The following TPRG1 variants were observed in gnomAD, a reference collection of about 807,000 sequenced individuals.
The protein encoded by TPRG1 is tumor protein p63-regulated gene 1 protein.
In TPRG1, 29 loss-of-function variants were observed where a neutral mutation model predicts 29.3. The ratio of observed to expected loss-of-function variants is 0.99; its 90% CI spans 0.74 to 1.35. The LOEUF is 1.35. Among genes scored for constraint, TPRG1 ranks in the 40% most tolerant of loss-of-function variants. The pLI, the probability that TPRG1 is intolerant of heterozygous loss-of-function variation, is 0.00. For missense variants in TPRG1, 327 were observed against 335.0 expected (o/e 0.98, Z 0.19); for synonymous variants, 130 against 116.8 (o/e 1.11, Z -0.73).
At chr3:189,254,689 T>C (rs1391018749) in intron 4 of TPRG1, among the ~76,000 whole-genome samples, 1 of 152,220 alleles carries the variant, frequency 6.6e-6, no homozygotes, top group Non-Finnish European at 1.5e-5. Context: ...TGTCCTCTCT[T>C]ATTTCCTTGA....
At chr3:189,205,780 C>G (rs1734229273) in intron 1 of TPRG1, among the ~76,000 whole-genome samples, 1 of 152,144 alleles carries the variant, frequency 6.6e-6, no homozygotes, top group Admixed American at 6.5e-5. Context: ...TTTTGCTTTG[C>G]TTTATATGTA....
intron 3 of TPRG1, among the ~76,000 whole-genome samples, chr3:189,141,034 C>T (rs796702735): frequency 6.6e-5 from 10 of 152,282 alleles, no homozygotes; most frequent in African/African-American, 2.4e-4. Flanking sequence ...GTACATCAAG[C>T]TTTATAAAAT....
intron 4 of TPRG1, among the ~76,000 whole-genome samples, chr3:189,245,975 T>C (rs1202602859): frequency 6.6e-6 from 1 of 152,234 alleles, no homozygotes; most frequent in Non-Finnish European, 1.5e-5. Context: ...TTATTGTAAC[T>C]ACTGTGTCAT....
chr3:189,150,729 A>G (rs1001367751), exon 5 of TPRG1: 3 of 152,198 alleles, frequency 2.0e-5, no homozygotes, highest in South Asian at 2.1e-4. Context: ...AGATGGTCAC[A>G]TTGATTTTCT....
intron 1 of TPRG1, among the ~76,000 whole-genome samples, chr3:189,110,874 T>G (rs1720425910): frequency 1.3e-5 from 2 of 151,764 alleles, no homozygotes; most frequent in Admixed American, 1.3e-4. Flanking sequence ...GTTTTCCACA[T>G]GTGGATCTGC....
intron 1 of TPRG1, among the ~76,000 whole-genome samples, chr3:189,106,376 T>A (rs1719826998): frequency 6.6e-6 from 1 of 152,154 alleles, no homozygotes; most frequent in Admixed American, 6.5e-5. Flanking sequence ...CTGAAAAGCT[T>A]TTTCTTAATT....
At chr3:189,296,242 G>C (rs1430661276) in intron 4 of TPRG1, among the ~76,000 whole-genome samples, 11 of 152,224 alleles carry the variant, frequency 7.2e-5, no homozygotes, top group Admixed American at 3.3e-4. Flanking sequence ...ACTGTGAGCT[G>C]TATTTTCCAT....
intron 1 of TPRG1, among the ~76,000 whole-genome samples, chr3:189,196,768 A>G (rs1287818020): frequency 1.3e-5 from 2 of 152,310 alleles, no homozygotes; most frequent in East Asian, 3.9e-4. Context: ...CTGCATATTT[A>G]TGATTTTCTG....
intron 3 of TPRG1, among the ~76,000 whole-genome samples, chr3:189,139,199 C>T (rs1174987367): frequency 2.0e-5 from 3 of 152,206 alleles, no homozygotes; most frequent in African/African-American, 7.2e-5. Context: ...AAAATGTATG[C>T]TCAGAGATGT....
intron 4 of TPRG1, among the ~76,000 whole-genome samples, chr3:189,294,984 A>G (rs1185162235): frequency 6.6e-6 from 1 of 152,204 alleles, no homozygotes; most frequent in Non-Finnish European, 1.5e-5. Context: ...CTTTAGGACA[A>G]TGCTAATTAT....
chr3:189,175,124 A>G (rs1323793281), intron 1 of TPRG1, among the ~76,000 whole-genome samples: 10 of 152,162 alleles, frequency 6.6e-5, no homozygotes. Flanking sequence ...ATGTGTACAC[A>G]AGTAACTATA....
At chr3:189,045,300 C>G (rs1317809863) in intron 4 of TPRG1, among the ~76,000 whole-genome samples, 1 of 152,212 alleles carries the variant, frequency 6.6e-6, no homozygotes, top group African/African-American at 2.4e-5. Context: ...CATCAAAGTC[C>G]AGGTCCAATC....
At chr3:189,216,139 C>T (rs914440789) in intron 3 of TPRG1, among the ~76,000 whole-genome samples, 11 of 151,974 alleles carry the variant, frequency 7.2e-5, no homozygotes, top group Admixed American at 1.3e-4. Context: ...TTTTTTACTA[C>T]GGAAGCCTTA....
chr3:189,230,221 G>A (rs192315247), intron 3 of TPRG1, among the ~76,000 whole-genome samples: 3 of 152,284 alleles, frequency 2.0e-5, no homozygotes, highest in Admixed American at 2.0e-4. Flanking sequence ...ACTGATGGTA[G>A]TGCAGTAGAG....
chr3:189,066,162 T>A (rs1716430891), intron 4 of TPRG1, among the ~76,000 whole-genome samples: 1 of 151,912 alleles, frequency 6.6e-6, no homozygotes, highest in African/African-American at 2.4e-5. Flanking sequence ...AAGTAACAGA[T>A]CAATGCCATA....
chr3:189,230,544 G>A lies in TPRG1; in HGVS notation c.303-8189G>A, dbSNP rs538104801. ...ATGCTGGCCTCCTTTCTGTCTCATG[G>A]ACCTCCATGGATCCCACCTCAGGGC... is the stretch of plus-strand genomic sequence containing the variant. On this transcript the variant is annotated intron_variant, in intron 3 of 5. Coordinates refer to ENST00000345063, the MANE Select transcript of TPRG1 (RefSeq NM_198485.4). Among the ~76,000 whole-genome samples, 3 of 152,206 alleles carry A rather than the reference G, an allele frequency of 2.0e-5. No individual in the cohort carries two copies. The East Asian group carries it at 5.8e-4, about 29-fold the overall frequency.
At chr3:189,169,326 G>A (rs972562981), upstream of TPRG1, among the ~76,000 whole-genome samples, 5 of 152,050 alleles carry the variant, frequency 3.3e-5, no homozygotes, top group Non-Finnish European at 7.4e-5. Flanking sequence ...CACTGCGCCC[G>A]GCTAATTTTT....
At chr3:189,118,037 TGAGACTTCCTA>T (rs747794124) in intron 1 of TPRG1, among the ~76,000 whole-genome samples, 1 of 152,178 alleles carries the variant, frequency 6.6e-6, no homozygotes, top group Non-Finnish European at 1.5e-5. Context: ...TGGGAAAGTT[TGAGACTTCCTA>T]GAGACTTGGA....
chr3:189,097,044 G>A (rs769075621), upstream of TPRG1, among the ~76,000 whole-genome samples: 2 of 152,140 alleles, frequency 1.3e-5, no homozygotes. Flanking sequence ...CATTTTAAAT[G>A]TGTATTTTCT....
Sources: gnomAD v4.1 joint callset for allele counts (sites outside exome capture counted in the v4.1 genomes callset) on GRCh38, gnomAD v4.1.1 for gene constraint, MANE v1.5 for transcripts, NCBI Gene and HGNC (gene_info 2026-07-23, HGNC 2026-07-21) for gene names.